The following EGF variants were observed in gnomAD, a reference collection of about 807,000 sequenced individuals.
EGF encodes the protein epidermal growth factor, also known as pro-epidermal growth factor.
In EGF, 95 loss-of-function variants were observed where a neutral mutation model predicts 143.8. The ratio of observed to expected loss-of-function variants is 0.66; its 90% CI spans 0.56 to 0.78. The LOEUF is 0.78. Ranked by LOEUF, EGF falls within the 30% of genes least tolerant of loss-of-function variation. The pLI, the probability that EGF is intolerant of heterozygous loss-of-function variation, is 0.00. For missense variants in EGF, 1,320 were observed against 1,470.9 expected (o/e 0.90, Z 1.68); for synonymous variants, 510 against 510.5 (o/e 1.00, Z 0.01).
Position 109,988,675 on chromosome 4 carries a change from A to G in EGF, c.2700A>G (p.Ser900=). The change falls in exon 18 of 24, where the codon TCA becomes TCG. Residue 900 remains serine, a synonymous_variant. Coordinates refer to ENST00000265171, the MANE Select transcript of EGF (RefSeq NM_001963.6). ...AAGGTGGTTATGTCTGCCGGTGCTC[A>G]GAAGGCTACCAAGGAGATGGGATTC... is the stretch of plus-strand genomic sequence containing the variant. The part of the protein sequence containing the change: ...NTEGGYVCRC[S]EGYQGDGIHC... 1 of 1,614,060 alleles carries G rather than the reference A, an allele frequency of 6.2e-7. No individual in the cohort carries two copies. The highest frequency in any genetic ancestry group is 1.3e-5 in the African/African-American group (1 of 75,046).
intron 1 of EGF, 65 bp from the exon 2 acceptor site, chr4:109,940,881 A>G: frequency 2.1e-6 from 3 of 1,461,294 alleles, no homozygotes; most frequent in Non-Finnish European, 2.9e-6. Flanking sequence ...GTCATTGGGA[A>G]GTATTTTGTT....
intron 5 of EGF, among the ~76,000 whole-genome samples, chr4:109,948,758 T>C (rs1356618048): frequency 6.6e-6 from 1 of 152,126 alleles, no homozygotes; most frequent in East Asian, 1.9e-4. Context: ...AGTGCTGGGA[T>C]TACAGGCATG....
rs776085111 is a variant in EGF, at chr4:110,004,576, G to A, written c.3245G>A (p.Arg1082Lys). 14 of 1,613,880 alleles carry A rather than the reference G, an allele frequency of 8.7e-6. No individual in the cohort carries two copies. In the Admixed American group the frequency reaches 2.3e-4, roughly 27 times the overall value. Residue 1082 changes from arginine to lysine, a missense_variant, in exon 22 of 24, where the codon AGG becomes AAG. Transcript: ENST00000265171. ...TCGAGCAGAGATGTGAGGAGTCGCA[G>A]GCCTGCTGACACTGAGGATGGGATG... ...EESSRDVRSRRPADTEDGMSS... is the reference protein window; with the variant it reads ...EESSRDVRSRKPADTEDGMSS...
At chr4:109,984,292 T>C (rs1248672235) in intron 16 of EGF, among the ~76,000 whole-genome samples, 1 of 152,158 alleles carries the variant, frequency 6.6e-6, no homozygotes, top group Non-Finnish European at 1.5e-5. Flanking sequence ...TTAGGACTTT[T>C]AAGGAGATGC....
At chr4:109,959,003 T>C in intron 5 of EGF, 1 of 345,664 alleles carries the variant, frequency 2.9e-6, no homozygotes, top group Non-Finnish European at 5.5e-6. Flanking sequence ...GAATGTGTGC[T>C]TTTTTGTGAT....
At chr4:109,956,260 A>T (rs10488881) in intron 5 of EGF, among the ~76,000 whole-genome samples, 51,291 of 152,082 alleles carry the variant, frequency 0.34, 8,789 homozygotes, top group Middle Eastern at 0.41. Context: ...AAGAGGAAGA[A>T]CCAAGACAAA....
rs941802959 is a variant in EGF at position 109,974,876 on chromosome 4, T to C, written c.1829+69T>C. 6.6e-5 allele frequency: 84 copies of C among 1,278,064 alleles called. No homozygotes were observed. The African/African-American group carries it at 1.1e-3, about 17-fold the overall frequency. 79.2% of individuals were successfully genotyped at this position (1,278,064 alleles called of 1,614,324 possible). ...TGACAGTTCATGGTTGATATGCTAG[T>C]GTCCAAAACCAGAAACCAAGAAAAT... On this transcript the variant is annotated intron_variant, in intron 12 of 23. Coordinates refer to ENST00000265171, the MANE Select transcript of EGF (RefSeq NM_001963.6).
In EGF at chr4:109,987,870, A is replaced by G; in HGVS notation, c.2608+10A>G. Reference sequence around the variant, plus strand: ...GGAAAACTATGTTCTGGTAAGAGAAAAGGGCAAATTCACATATTTGGACAA... The same window carrying G: ...GGAAAACTATGTTCTGGTAAGAGAAGAGGGCAAATTCACATATTTGGACAA... On this transcript the variant is annotated intron_variant, in intron 17 of 23. Coordinates refer to ENST00000265171, the MANE Select transcript of EGF (RefSeq NM_001963.6). 1 of 1,600,362 alleles carries G rather than the reference A, an allele frequency of 6.2e-7. No homozygotes were observed. Among genetic ancestry groups the G allele is most frequent in the South Asian group, 1.1e-5 (1 of 90,806 alleles).
intron 1 of EGF, among the ~76,000 whole-genome samples, chr4:109,918,295 T>C (rs1267362287): frequency 1.3e-5 from 2 of 151,732 alleles, no homozygotes; most frequent in Non-Finnish European, 2.9e-5. Flanking sequence ...AGGTGGGTTA[T>C]TCATAGCGAA....
At chr4:109,932,362 T>TATATATATATATATATATATATATATAC in intron 1 of EGF, among the ~76,000 whole-genome samples, 1 of 126,088 alleles carries the variant, frequency 7.9e-6, no homozygotes, top group Admixed American at 8.2e-5. Context: ...CATTTAGTCA[T>TATATATATATATATATATATATATATAC]ATATATATAT....
At chr4:109,988,435 C>A in intron 17 of EGF, 149 bp from the exon 18 acceptor site, 1 of 1,147,540 alleles carries the variant, frequency 8.7e-7, no homozygotes, top group Non-Finnish European at 1.3e-6. Flanking sequence ...AACTTTATGT[C>A]CAAGATGCAG....
At chr4:109,944,643 A>C (rs921086410) in intron 4 of EGF, among the ~76,000 whole-genome samples, 2 of 152,252 alleles carry the variant, frequency 1.3e-5, no homozygotes, top group African/African-American at 4.8e-5. Context: ...AAGTTCTCAC[A>C]TGTTGACCAT....
In EGF at chr4:109,993,254, T is replaced by G; in HGVS notation, c.2742T>G (p.Asp914Glu). 1.2e-6 allele frequency: 2 copies of G among 1,613,790 alleles called. No homozygotes were observed. Among genetic ancestry groups the G allele is most frequent in the South Asian group, 1.1e-5 (1 of 91,072 alleles). Residue 914 changes from aspartate (D) to glutamate (E), a missense_variant, in exon 19 of 24, where the codon GAT becomes GAG. By Grantham distance (45) the Asp-to-Glu change is conservative (BLOSUM62 2). Around this residue, in one of 5 missense-constraint regions of EGF, gnomAD observed 1,186 missense variants for 1,313.7 expected, o/e 0.90. Coordinates refer to ENST00000265171, the MANE Select transcript of EGF (RefSeq NM_001963.6). ...QGDGIHCLDI[D>E]ECQLGEHSCG... ...CTCTGTCTTTTCTGACAGATATTGA[T>G]GAGTGCCAACTGGGGGAGCACAGCT...
chr4:109,941,257 G>T (rs541960887), intron 2 of EGF, 112 bp downstream of exon 2: 2 of 962,106 alleles, frequency 2.1e-6, no homozygotes, highest in South Asian at 1.5e-5. Flanking sequence ...GTTCAAATGC[G>T]TGTCTGCCAA....
At position 109,913,458 on chromosome 4, in the gene EGF, T is replaced by A; in HGVS notation, c.123T>A (p.Cys41Ter). The change falls in exon 1 of 24, where the codon TGT becomes TGA. Residue 41 changes from cysteine (C) to a stop codon, truncating the protein, a stop_gained. Transcript: ENST00000265171. LOFTEE classifies it high-confidence loss of function. ...TCGCAGGAAATGGGAATTCTACTTG[T>A]GTGGGTAAGTACTCCAATGAAAAGG... is the stretch of plus-strand genomic sequence containing the variant. ...GTLAGNGNST[C>*]VGPAPFLIFS... is the part of the protein sequence containing the mutation. The A allele has an allele frequency of 6.2e-7, 1 of 1,613,658 alleles. No homozygotes were observed. Among genetic ancestry groups the A allele is most frequent in the Non-Finnish European group, 8.5e-7 (1 of 1,179,766 alleles).
chr4:109,934,920 T>C (rs1165468894), intron 1 of EGF, among the ~76,000 whole-genome samples: 23 of 152,172 alleles, frequency 1.5e-4, no homozygotes, highest in Admixed American at 1.5e-3. Context: ...CATGGGTCTA[T>C]ATATTTGTTT....
intron 1 of EGF, among the ~76,000 whole-genome samples, chr4:109,932,620 C>T (rs1184976582): frequency 2.0e-5 from 3 of 151,452 alleles, no homozygotes; most frequent in African/African-American, 2.4e-5. Context: ...CCTCATGATC[C>T]GCCTGCCTGC....
intron 1 of EGF, among the ~76,000 whole-genome samples, chr4:109,927,845 G>GTA (rs1382751682): frequency 2.7e-5 from 4 of 149,178 alleles, no homozygotes; most frequent in African/African-American, 1.0e-4. Flanking sequence ...GTGTGTGTGT[G>GTA]TGTGAAACAT....
At chr4:109,923,458 A>T (rs1394005499) in intron 1 of EGF, among the ~76,000 whole-genome samples, 1 of 151,646 alleles carries the variant, frequency 6.6e-6, no homozygotes, top group Non-Finnish European at 1.5e-5. Flanking sequence ...AATGAGACTT[A>T]CACCAAATTT....
Sources: allele counts gnomAD v4.1 joint callset (sites outside exome capture counted in the v4.1 genomes callset), GRCh38; gene constraint gnomAD v4.1.1; regional missense constraint gnomAD v4.1.1; transcripts MANE v1.5; gene names NCBI Gene and HGNC (gene_info 2026-07-23, HGNC 2026-07-21).